The following MRPL17 variants were observed in gnomAD, a reference collection of about 807,000 sequenced individuals.
The protein encoded by MRPL17 is large ribosomal subunit protein bL17m.
MRPL17 carries 8 observed loss-of-function variants against 12.0 expected under a neutral mutation model. The ratio of observed to expected loss-of-function variants is 0.67; its 90% confidence interval spans 0.39 to 1.21. MRPL17 has a LOEUF of 1.21. Among genes scored for constraint, MRPL17 ranks in the 50% most tolerant of loss-of-function variants. MRPL17 has a pLI of 0.01. For synonymous variants in MRPL17, 107 were observed against 92.9 expected (o/e 1.15, Z -0.87); for missense variants, 263 against 234.4 (o/e 1.12, Z -0.80).
Position 6,683,112 on chromosome 11 carries a change from G to A in MRPL17, c.174+11C>T. On this transcript the variant is annotated intron_variant, in intron 1 of 2. Transcript: ENST00000288937. ...GACCCGCAGAGTGGACAAGAGGGCC[G>A]CGCTCCTCACCTTCTCCGCGTAGCC... is the stretch of plus-strand genomic sequence containing the variant. The A allele has an allele frequency of 6.2e-7, 1 of 1,610,820 alleles. No homozygotes were observed. The highest frequency in any genetic ancestry group is 8.5e-7 in the Non-Finnish European group (1 of 1,178,206).
chr11:6,681,852 C>G lies in MRPL17; in HGVS notation c.*266G>C. On this transcript the variant is annotated 3_prime_UTR_variant, in exon 3 of 3. Transcript: ENST00000288937. Reference sequence around the variant, plus strand: ...ACCAGAAGCATAAGCCATGAATTTACTATCTCAGGTAGACTGAGCATTTGG... The same window carrying G: ...ACCAGAAGCATAAGCCATGAATTTAGTATCTCAGGTAGACTGAGCATTTGG... 1 of 240,266 alleles carries G rather than the reference C, an allele frequency of 4.2e-6. No homozygotes were observed. Among genetic ancestry groups the G allele is most frequent in the Non-Finnish European group, 7.8e-6 (1 of 128,376 alleles). 14.9% of individuals were successfully genotyped at this position (240,266 alleles called of 1,614,324 possible).
Position 6,681,288 on chromosome 11 carries a change from T to C in MRPL17, c.*830A>G, listed in dbSNP as rs1430083593. ...ACATTCTGAAGCCGGATTTCCCTTTTCTGGGTTCCCAGAGAGGCCAGATTT... is the reference window on the plus strand; with the variant it reads ...ACATTCTGAAGCCGGATTTCCCTTTCCTGGGTTCCCAGAGAGGCCAGATTT... On this transcript the variant is annotated 3_prime_UTR_variant, in exon 3 of 3. Transcript: ENST00000288937. 2 of 152,348 alleles carry C rather than the reference T, an allele frequency of 1.3e-5. No homozygotes were observed. The highest frequency in any genetic ancestry group is 2.1e-4 in the South Asian group (1 of 4,832). The allele number at this position is 152,348 out of a possible 1,614,324, so 9.4% of individuals were successfully genotyped here.
intron 1 of MRPL17, 73 bp from the exon 2 acceptor site, chr11:6,682,888 A>C: frequency 1.4e-6 from 2 of 1,468,602 alleles, no homozygotes; most frequent in Non-Finnish European, 1.9e-6. Context: ...CTAATGCCGG[A>C]AGGCAATCCA....
Position 6,682,781 on chromosome 11 carries a change from TC to T in MRPL17, c.208del (p.Glu70AsnfsTer16). The T allele has an allele frequency of 6.2e-7, 1 of 1,614,200 alleles. No individual in the cohort carries two copies. Among genetic ancestry groups the T allele is most frequent in the Non-Finnish European group, 8.5e-7 (1 of 1,180,042 alleles). On this transcript the variant is annotated frameshift_variant, in exon 2 of 3. Coordinates refer to ENST00000288937, the MANE Select transcript of MRPL17 (RefSeq NM_022061.4). LOFTEE classifies it high-confidence loss of function. The part of the protein sequence containing the change: ...IDYGKLGDTN[E>X]RAMRMADFWL... ...GAAGTCAGCCATGCGCATGGCTCGT[TC>T]GTTAGTGTCTCCCAGCTTCCCATAG...
At position 6,682,319 on chromosome 11, in the gene MRPL17, C is replaced by A. The variant is rs1443573719; in HGVS notation, c.327G>T (p.Gln109His). The change falls in exon 3 of 3, where the codon CAG becomes CAT. Residue 109 changes from glutamine to histidine, a missense_variant. Gln to His is a conservative substitution (Grantham distance 24, BLOSUM62 0). Coordinates refer to ENST00000288937, the MANE Select transcript of MRPL17 (RefSeq NM_022061.4). The stretch of plus-strand genomic sequence containing the variant: ...CCCGATCCAAACTCCGATTTGGGAT[C>A]TGCAGCATTCTTGTGTAGCCCCCAG... ...DQTGGYTRML[Q>H]IPNRSLDRAK... 6 of 1,614,092 alleles carry A rather than the reference C, an allele frequency of 3.7e-6. No homozygotes were observed. In the East Asian group the frequency reaches 1.3e-4, roughly 36 times the overall value.
chr11:6,681,625 A>C lies in MRPL17; in HGVS notation c.*493T>G, dbSNP rs1190564375. The C allele has an allele frequency of 1.3e-5, 2 of 152,306 alleles. No individual in the cohort carries two copies. Among genetic ancestry groups the C allele is most frequent in the African/African-American group, 2.4e-5 (1 of 41,428 alleles). 9.4% of individuals were successfully genotyped at this position (152,306 alleles called of 1,614,324 possible). A position where few individuals can be genotyped will look rare whatever the true frequency, so the allele number is the denominator to read the frequency against. ...CGCAGGGTACTAGATTGTTTAAGGA[A>C]GTTTCACTTGCAGATTGTCACTCCC... On this transcript the variant is annotated 3_prime_UTR_variant, in exon 3 of 3. Coordinates refer to ENST00000288937, the MANE Select transcript of MRPL17 (RefSeq NM_022061.4).
rs374071954 is a variant in MRPL17 at position 6,683,337 on chromosome 11, A to G, written c.-41T>C. 1.7e-4 allele frequency: 277 copies of G among 1,582,952 alleles called. 1 individual carries two copies. The highest frequency in any genetic ancestry group is 2.2e-4 in the Non-Finnish European group (260 of 1,161,966). On this transcript the variant is annotated 5_prime_UTR_variant, in exon 1 of 3. Coordinates refer to ENST00000288937, the MANE Select transcript of MRPL17 (RefSeq NM_022061.4). ...CCGCCCCTTGGAGGCCGGAACTGGA[A>G]ACTGGAAGGTAGAGCCGGTGGCGGC...
chr11:6,683,313 C>G lies in MRPL17; in HGVS notation c.-17G>C. ...CAGCCGCATGTTTCCAACTTCTGCC[C>G]GCCCCTTGGAGGCCGGAACTGGAAA... is the stretch of plus-strand genomic sequence containing the variant. On this transcript the variant is annotated 5_prime_UTR_variant, in exon 1 of 3. Coordinates refer to ENST00000288937, the MANE Select transcript of MRPL17 (RefSeq NM_022061.4). 6.2e-7 allele frequency: 1 copy of G among 1,603,622 alleles called. No individual in the cohort carries two copies. The highest frequency in any genetic ancestry group is 8.5e-7 in the Non-Finnish European group (1 of 1,173,042).
In MRPL17 at chr11:6,682,633, A is replaced by C. The variant is rs76000229; in HGVS notation, c.243+114T>G. The C allele has an allele frequency of 1.3e-3, 1,396 of 1,091,434 alleles. 15 individuals carry two copies. In the African/African-American group the frequency reaches 0.018, roughly 14 times the overall value. 67.6% of individuals were successfully genotyped at this position (1,091,434 alleles called of 1,614,324 possible). A position where few individuals can be genotyped will look rare whatever the true frequency, so the allele number is the denominator to read the frequency against. Reference sequence around the variant, plus strand: ...AGACACAGTTTCTAATTTAGTTAGCAGCACTGGCCCATAAGTGAGTACCCA... The same window carrying C: ...AGACACAGTTTCTAATTTAGTTAGCCGCACTGGCCCATAAGTGAGTACCCA... On this transcript the variant is annotated intron_variant, in intron 2 of 2. Coordinates refer to ENST00000288937, the MANE Select transcript of MRPL17 (RefSeq NM_022061.4).
rs1315028322 is a variant in MRPL17 at position 6,683,322 on chromosome 11, G to T, written c.-26C>A. The T allele has an allele frequency of 6.3e-7, 1 of 1,598,586 alleles. No individual in the cohort carries two copies. The highest frequency in any genetic ancestry group is 1.7e-5 in the Admixed American group (1 of 58,600). ...GTTTCCAACTTCTGCCCGCCCCTTG[G>T]AGGCCGGAACTGGAAACTGGAAGGT... On this transcript the variant is annotated 5_prime_UTR_variant, in exon 1 of 3. Coordinates refer to ENST00000288937, the MANE Select transcript of MRPL17 (RefSeq NM_022061.4).
In MRPL17 at chr11:6,682,253, T is replaced by C; in HGVS notation, c.393A>G (p.Pro131=). ...TGTCTCTGCGAGGCAGAGGCAGGGG[T>C]GGGAGGCAATTCCCTTTATACTCGA... The part of the protein sequence containing the change: ...AVIEYKGNCL[P]PLPLPRRDSH... The change falls in exon 3 of 3, where the codon CCA becomes CCG. Residue 131 remains proline, a synonymous_variant. Coordinates refer to ENST00000288937, the MANE Select transcript of MRPL17 (RefSeq NM_022061.4). 6.2e-7 allele frequency: 1 copy of C among 1,612,982 alleles called. No individual in the cohort carries two copies. Among genetic ancestry groups the C allele is most frequent in the South Asian group, 1.1e-5 (1 of 91,068 alleles).
intron 1 of MRPL17, 115 bp from the exon 2 acceptor site, chr11:6,682,930 C>A: frequency 2.4e-6 from 3 of 1,274,670 alleles, no homozygotes; most frequent in East Asian, 2.4e-5. Context: ...CTCCAATCTA[C>A]GCCACCCCTA....
chr11:6,680,421 G>A lies in MRPL17; in HGVS notation c.*1697C>T, dbSNP rs970345745. 1.3e-5 allele frequency among the ~76,000 whole-genome samples: 2 copies of A among 152,234 alleles called. No individual in the cohort carries two copies. The highest frequency in any genetic ancestry group is 2.4e-5 in the African/African-American group (1 of 41,460). On this transcript the variant is annotated 3_prime_UTR_variant, in exon 3 of 3. Coordinates refer to ENST00000288937, the MANE Select transcript of MRPL17 (RefSeq NM_022061.4). ...TTAAAGGGGAAGCAGTGTCCCTTGA[G>A]GCCACTGTGGTAGTGGCAGTGGCCT...
chr11:6,682,987 G>T, intron 1 of MRPL17, 136 bp downstream of exon 1: 2 of 1,350,174 alleles, frequency 1.5e-6, no homozygotes, highest in Non-Finnish European at 2.0e-6. Flanking sequence ...TGGAGGGGCG[G>T]GTTCAGCCCA....
At position 6,682,782 on chromosome 11, in the gene MRPL17, CGTTA is replaced by C. The variant is rs769304738; in HGVS notation, c.204_207del (p.Arg71ProfsTer14). 9 of 1,614,148 alleles carry C rather than the reference CGTTA, an allele frequency of 5.6e-6. No individual in the cohort carries two copies. Among genetic ancestry groups the C allele is most frequent in the Non-Finnish European group, 7.6e-6 (9 of 1,180,024 alleles). ...AAGTCAGCCATGCGCATGGCTCGTTCGTTAGTGTCTCCCAGCTTCCCATAGTCGA... is the reference window on the plus strand; with the variant it reads ...AAGTCAGCCATGCGCATGGCTCGTTCGTGTCTCCCAGCTTCCCATAGTCGA... On this transcript the variant is annotated frameshift_variant, in exon 2 of 3. Transcript: ENST00000288937. LOFTEE classifies it high-confidence loss of function.
In MRPL17 at chr11:6,680,467, G is replaced by C. The variant is rs902832826; in HGVS notation, c.*1651C>G. Reference sequence around the variant, plus strand: ...GGCCTGTTATTGTGAGCTCATTGATGGTACAGGTTGTTTCTTATCTCTAGT... The same window carrying C: ...GGCCTGTTATTGTGAGCTCATTGATCGTACAGGTTGTTTCTTATCTCTAGT... On this transcript the variant is annotated 3_prime_UTR_variant, in exon 3 of 3. Coordinates refer to ENST00000288937, the MANE Select transcript of MRPL17 (RefSeq NM_022061.4). Among the ~76,000 whole-genome samples the C allele has an allele frequency of 6.6e-5, 10 of 152,192 alleles. No individual in the cohort carries two copies. The highest frequency in any genetic ancestry group is 2.6e-4 in the Admixed American group (4 of 15,282).
chr11:6,682,499 A>G lies in MRPL17; in HGVS notation c.244-97T>C. On this transcript the variant is annotated intron_variant, in intron 2 of 2. Transcript: ENST00000288937. ...CCAAAGGTAAGGTCCATCCACACAT[A>G]GAAAGACCTCCCCCTCCCCTCGCCA... is the stretch of plus-strand genomic sequence containing the variant. 1.1e-5 allele frequency: 15 copies of G among 1,377,992 alleles called. No individual in the cohort carries two copies. In the Middle Eastern group the frequency reaches 5.6e-4, roughly 51 times the overall value. The allele number at this position is 1,377,992 out of a possible 1,614,324, so 85.4% of individuals were successfully genotyped here. A position where few individuals can be genotyped will look rare whatever the true frequency, so the allele number is the denominator to read the frequency against.
rs977191153 is a variant in MRPL17, at chr11:6,680,908, GAGT to G, written c.*1207_*1209del. The G allele has an allele frequency of 6.6e-6, 1 of 152,216 alleles. No individual in the cohort carries two copies. The highest frequency in any genetic ancestry group is 2.4e-5 in the African/African-American group (1 of 41,454). 9.4% of individuals were successfully genotyped at this position (152,216 alleles called of 1,614,324 possible). On this transcript the variant is annotated 3_prime_UTR_variant, in exon 3 of 3. Coordinates refer to ENST00000288937, the MANE Select transcript of MRPL17 (RefSeq NM_022061.4). ...AAAAAGAGATAAAGAGCTCTGTTGG[GAGT>G]AGATGAGTATCAGACTAAGGCAGCT...
chr11:6,680,493 C>A lies in MRPL17; in HGVS notation c.*1625G>T, dbSNP rs576076058. On this transcript the variant is annotated 3_prime_UTR_variant, in exon 3 of 3. Transcript: ENST00000288937. ...GTACAGGTTGTTTCTTATCTCTAGT[C>A]TCTATTAGATGAACAGTGGATATTG... 1.3e-5 allele frequency among the ~76,000 whole-genome samples: 2 copies of A among 152,276 alleles called. No homozygotes were observed. The highest frequency in any genetic ancestry group is 1.3e-4 in the Admixed American group (2 of 15,304).
Sources: allele counts gnomAD v4.1 joint callset (sites outside exome capture counted in the v4.1 genomes callset), GRCh38; gene constraint gnomAD v4.1.1; transcripts MANE v1.5; gene names NCBI Gene and HGNC (gene_info 2026-07-23, HGNC 2026-07-21).